MAMSTR: variants seen among roughly 807,000 people sequenced by gnomAD.
MAMSTR encodes the protein MEF2-activating motif and SAP domain-containing transcriptional regulator.
MAMSTR carries 41 observed loss-of-function variants against 42.7 expected under a neutral mutation model. The ratio of observed to expected loss-of-function variants is 0.96; its 90% CI spans 0.75 to 1.25. The LOEUF (loss-of-function observed/expected upper bound fraction) is 1.25, where lower values mean the gene tolerates loss of function less well. Ranked by LOEUF, MAMSTR falls within the 50% of genes most tolerant of loss-of-function variation. The pLI is 0.00. For synonymous variants in MAMSTR, 265 were observed against 244.1 expected, an observed-to-expected ratio of 1.09 and a Z score of -0.80; for missense variants, 567 against 557.6, an observed-to-expected ratio of 1.02 and a Z score of -0.17.
In MAMSTR at chr19:48,714,448, G is replaced by C. The variant is rs1404298573; in HGVS notation, c.641C>G (p.Pro214Arg). The change falls in exon 7 of 10, where the codon CCG (proline) becomes CGG (arginine). Residue 214 changes from proline to arginine, a missense_variant. By Grantham distance (103) the Pro-to-Arg change is moderately radical. Transcript: ENST00000318083. ...ACCCGCGGGACTGTCCTCGCGCCGC[G>C]GCTTCGGCCGCTCGCGGGGCGGCGC... The part of the protein sequence containing the change: ...GGAPPRERPK[P>R]RREDSPAGAP... The C allele has an allele frequency of 5.2e-6, 7 of 1,358,396 alleles. No individual in the cohort carries two copies. Among genetic ancestry groups the C allele is most frequent in the Admixed American group, 3.9e-5 (1 of 25,922 alleles). 84.1% of individuals were successfully genotyped at this position (1,358,396 alleles called of 1,614,324 possible).
downstream of MAMSTR, among the ~76,000 whole-genome samples, chr19:48,711,312 T>C (rs1312768869): frequency 2.6e-5 from 4 of 152,122 alleles, no homozygotes; most frequent in African/African-American, 9.7e-5. Context: ...TGACACTGCA[T>C]GGAGTGTCAC....
At position 48,714,424 on chromosome 19, in the gene MAMSTR, C is replaced by T; in HGVS notation, c.665G>A (p.Gly222Asp). The T allele has an allele frequency of 1.4e-6, 2 of 1,388,332 alleles. No homozygotes were observed. The highest frequency in any genetic ancestry group is 6.0e-5 in the East Asian group (2 of 33,256). 86.0% of individuals were successfully genotyped at this position (1,388,332 alleles called of 1,614,324 possible). ...GGGCTTGAGGCGCGGCCAGGGAGCACCCGCGGGACTGTCCTCGCGCCGCGG... is the reference window on the plus strand; with the variant it reads ...GGGCTTGAGGCGCGGCCAGGGAGCATCCGCGGGACTGTCCTCGCGCCGCGG... ...PKPRREDSPA[G>D]APWPRLKPKA... The change falls in exon 7 of 10, where the codon GGT becomes GAT. Residue 222 changes from glycine (G) to aspartate (D), a missense_variant. Gly to Asp is a moderately conservative substitution (Grantham distance 94). Coordinates refer to ENST00000318083, the MANE Select transcript of MAMSTR (RefSeq NM_001130915.2).
In MAMSTR at chr19:48,715,668, A is replaced by T. The variant is rs1315926173; in HGVS notation, c.197T>A (p.Leu66His). Residue 66 changes from leucine (L) to histidine (H), a missense_variant, in exon 4 of 10, where the codon CTC (leucine) becomes CAC (histidine). By Grantham distance (99) the Leu-to-His change is moderately conservative. Transcript: ENST00000318083. Reference protein sequence around the residue: ...APFLFSPGVLLPEPEYCPPWR... With the variant: ...APFLFSPGVLHPEPEYCPPWR... ...AGGAGGACAATATTCTGGCTCGGGG[A>T]GCAGGACCCCAGGGCTGAAGAGGAA... 7.1e-6 allele frequency: 11 copies of T among 1,543,462 alleles called. No individual in the cohort carries two copies. In the South Asian group the frequency reaches 1.2e-4, roughly 17 times the overall value.
Position 48,719,637 on chromosome 19 carries a change from T to A in MAMSTR, c.-22+42A>T, listed in dbSNP as rs987352555. The A allele has an allele frequency of 1.3e-5, 2 of 152,680 alleles. 1 individual carries two copies. The highest frequency in any genetic ancestry group is 2.9e-5 in the Non-Finnish European group (2 of 68,696). 9.5% of individuals were successfully genotyped at this position (152,680 alleles called of 1,614,324 possible). On this transcript the variant is annotated intron_variant, in intron 1 of 9. Transcript: ENST00000318083. The surrounding 1 kb of genome is among the most constrained non-coding windows in gnomAD (Gnocchi z 4.4). ...TGGGACCAGAGAGGGGATAGAACCG[T>A]TGAGGAGTGCGCCCCCCCCGTCCAC...
chr19:48,713,065 C>T lies in MAMSTR; in HGVS notation c.*202G>A. The stretch of plus-strand genomic sequence containing the variant: ...AAGAAGCCCCCCAACCATACCACGC[C>T]GGAGGGGGATCATAAGGAGGCCAGG... On this transcript the variant is annotated 3_prime_UTR_variant, in exon 10 of 10. Transcript: ENST00000318083. The T allele has an allele frequency of 1.9e-6, 1 of 526,154 alleles. No homozygotes were observed. The allele number at this position is 526,154 out of a possible 1,614,324, so 32.6% of individuals were successfully genotyped here.
At chr19:48,716,519 G>A (rs979056439) in intron 3 of MAMSTR, among the ~76,000 whole-genome samples, 186 bp downstream of exon 3, 1 of 152,162 alleles carries the variant, frequency 6.6e-6, no homozygotes, top group African/African-American at 2.4e-5. Context: ...AGAGCTCCTA[G>A]GGGTGGGGTG....
chr19:48,714,504 C>A lies in MAMSTR; in HGVS notation c.585G>T (p.Lys195Asn). Residue 195 changes from lysine (K) to asparagine (N), a missense_variant, in exon 7 of 10, where the codon AAG becomes AAT. Coordinates refer to ENST00000318083, the MANE Select transcript of MAMSTR (RefSeq NM_001130915.2). ...RLRGLPVSGT[K>N]SMLLERMRGG... ...CGCGCATGCGCTCCAGGAGCATAGA[C>A]TTGGTCCCCGACACTGGGAGGCCCC... The A allele has an allele frequency of 6.9e-7, 1 of 1,444,500 alleles. No homozygotes were observed. Among genetic ancestry groups the A allele is most frequent in the Non-Finnish European group, 9.0e-7 (1 of 1,112,218 alleles). The allele number at this position is 1,444,500 out of a possible 1,614,324, so 89.5% of individuals were successfully genotyped here.
chr19:48,707,788 G>C (rs572863928), downstream of MAMSTR, among the ~76,000 whole-genome samples: 5 of 114,704 alleles, frequency 4.4e-5, no homozygotes, highest in Non-Finnish European at 7.4e-5. Flanking sequence ...AGAAAAGAAA[G>C]AAACAAAGAA....
chr19:48,707,851 G>A (rs1233467819), downstream of MAMSTR, among the ~76,000 whole-genome samples: 1 of 88,288 alleles, frequency 1.1e-5, no homozygotes, highest in African/African-American at 5.0e-5. Context: ...AAGAAAGAAA[G>A]AAAGAAAGAA....
At position 48,714,425 on chromosome 19, in the gene MAMSTR, C is replaced by A; in HGVS notation, c.664G>T (p.Gly222Cys). The part of the protein sequence containing the change: ...PKPRREDSPA[G>C]APWPRLKPKA... ...GGCTTGAGGCGCGGCCAGGGAGCAC[C>A]CGCGGGACTGTCCTCGCGCCGCGGC... is the stretch of plus-strand genomic sequence containing the variant. Residue 222 changes from glycine to cysteine, a missense_variant, in exon 7 of 10, where the codon GGT becomes TGT. Transcript: ENST00000318083. 1 of 1,389,200 alleles carries A rather than the reference C, an allele frequency of 7.2e-7. No homozygotes were observed. 86.1% of individuals were successfully genotyped at this position (1,389,200 alleles called of 1,614,324 possible).
chr19:48,707,365 G>C, the MAMSTR span, among the ~76,000 whole-genome samples: 2 of 151,390 alleles, frequency 1.3e-5, no homozygotes, highest in Admixed American at 1.3e-4. Flanking sequence ...GCAGTGAGCC[G>C]AGATTGTGCC....
rs1318224155 is a variant in MAMSTR, at chr19:48,719,652, C to CT, written c.-22+26_-22+27insA. The CT allele has an allele frequency of 6.5e-6, 1 of 152,816 alleles. No homozygotes were observed. Among genetic ancestry groups the CT allele is most frequent in the South Asian group, 2.1e-4 (1 of 4,840 alleles). The allele number at this position is 152,816 out of a possible 1,614,324, so 9.5% of individuals were successfully genotyped here. A position where few individuals can be genotyped will look rare whatever the true frequency, so the allele number is the denominator to read the frequency against. On this transcript the variant is annotated intron_variant, in intron 1 of 9. Coordinates refer to ENST00000318083, the MANE Select transcript of MAMSTR (RefSeq NM_001130915.2). This position sits in a 1 kb window ranked among gnomAD's most constrained non-coding sequence, Gnocchi z 4.4. ...GATAGAACCGTTGAGGAGTGCGCCCCCCCCGTCCACCCCAGGGGCTTCTCA... is the reference window on the plus strand; with the variant it reads ...GATAGAACCGTTGAGGAGTGCGCCCCTCCCCGTCCACCCCAGGGGCTTCTCA...
At chr19:48,715,977 T>C in intron 3 of MAMSTR, 1 of 1,374,020 alleles carries the variant, frequency 7.3e-7, no homozygotes, top group Non-Finnish European at 9.3e-7. Context: ...GCAGGAATTT[T>C]CTATCACAAA....
intron 2 of MAMSTR, chr19:48,716,960 G>C (rs1222818086): frequency 8.5e-7 from 1 of 1,177,232 alleles, no homozygotes; most frequent in Admixed American, 4.6e-5. Flanking sequence ...CGCCATTCTG[G>C]GGCTACGAGC....
chr19:48,717,860 A>C (rs992934911), intron 2 of MAMSTR, among the ~76,000 whole-genome samples: 9 of 152,066 alleles, frequency 5.9e-5, no homozygotes. Context: ...GCACGCCGCC[A>C]CACCCGGCTA....
At chr19:48,710,059 C>A (rs888064551), downstream of MAMSTR, among the ~76,000 whole-genome samples, 1 of 151,594 alleles carries the variant, frequency 6.6e-6, no homozygotes, top group East Asian at 1.9e-4. Context: ...TTAGTAGAAA[C>A]GGGGTTTCAC....
rs375183994 is a variant in MAMSTR, at chr19:48,714,031, T to C, written c.738A>G (p.Ala246=). ...ARRQGSVKPS[A]ASHRPPLPRA... Reference sequence around the variant, plus strand: ...GTGGAAGAGGTGGCCTGTGAGATGCTGCGCTGGGCTTGACCTAGAGCAGCC... The same window carrying C: ...GTGGAAGAGGTGGCCTGTGAGATGCCGCGCTGGGCTTGACCTAGAGCAGCC... Residue 246 remains alanine, a synonymous_variant, in exon 8 of 10, where the codon GCA becomes GCG. Coordinates refer to ENST00000318083, the MANE Select transcript of MAMSTR (RefSeq NM_001130915.2). The C allele has an allele frequency of 5.0e-5, 80 of 1,595,540 alleles. No individual in the cohort carries two copies. The highest frequency in any genetic ancestry group is 6.7e-5 in the Non-Finnish European group (78 of 1,171,354).
Position 48,714,418 on chromosome 19 carries a change from G to A in MAMSTR, c.671C>T (p.Pro224Leu). Residue 224 changes from proline to leucine, a missense_variant, in exon 7 of 10, where the codon CCC becomes CTC. Physicochemically the swap from Pro to Leu is moderately conservative, Grantham distance 98. Transcript: ENST00000318083. The stretch of plus-strand genomic sequence containing the variant: ...GGCCTTGGGCTTGAGGCGCGGCCAG[G>A]GAGCACCCGCGGGACTGTCCTCGCG... ...PRREDSPAGA[P>L]WPRLKPKALA... 1 of 1,391,460 alleles carries A rather than the reference G, an allele frequency of 7.2e-7. No homozygotes were observed. The highest frequency in any genetic ancestry group is 9.2e-7 in the Non-Finnish European group (1 of 1,083,170). The allele number at this position is 1,391,460 out of a possible 1,614,324, so 86.2% of individuals were successfully genotyped here. A position where few individuals can be genotyped will look rare whatever the true frequency, so the allele number is the denominator to read the frequency against.
chr19:48,710,014 C>G (rs111518382), downstream of MAMSTR, among the ~76,000 whole-genome samples: 3,405 of 151,746 alleles, frequency 0.022, 134 homozygotes, highest in African/African-American at 0.077. Flanking sequence ...GGACTACAGG[C>G]GCCCACCACT....
Sources: allele counts gnomAD v4.1 joint callset (sites outside exome capture counted in the v4.1 genomes callset), GRCh38; gene constraint gnomAD v4.1.1; non-coding constraint Gnocchi (gnomAD v3.1); transcripts MANE v1.5; gene names NCBI Gene and HGNC (gene_info 2026-07-23, HGNC 2026-07-21).